The following LRP5 variants were observed in gnomAD, a reference collection of about 807,000 sequenced individuals.
LRP5 encodes low-density lipoprotein receptor-related protein 5.
In LRP5, 62 loss-of-function variants were observed where a neutral mutation model predicts 154.1. The ratio of observed to expected loss-of-function variants is 0.40; its 90% CI spans 0.33 to 0.50. The LOEUF (loss-of-function observed/expected upper bound fraction) is 0.50. Among genes scored for constraint, LRP5 ranks in the 20% least tolerant of loss-of-function variants. The pLI, the probability that LRP5 is intolerant of heterozygous loss-of-function variation, is 0.55. For synonymous variants in LRP5, 966 were observed against 1,011.5 expected, an observed-to-expected ratio of 0.96 and a Z score of 0.85; for missense variants, 1,915 against 2,336.7, an observed-to-expected ratio of 0.82 and a Z score of 3.72.
At chr11:68,305,215 G>A in the LRP5 span, among the ~76,000 whole-genome samples, 18 of 152,028 alleles carry the variant, frequency 1.2e-4, no homozygotes, top group South Asian at 4.2e-4. Flanking sequence ...GTGAGTTCTC[G>A]TGAGATCTGC....
intron 7 of LRP5, among the ~76,000 whole-genome samples, chr11:68,396,264 T>C (rs1414575886): frequency 6.6e-6 from 1 of 152,104 alleles, no homozygotes; most frequent in Admixed American, 6.5e-5. Flanking sequence ...TAAGATGCTA[T>C]GTCGGGAGGC....
intron 5 of LRP5, among the ~76,000 whole-genome samples, chr11:68,372,077 C>T (rs931281649): frequency 1.3e-4 from 20 of 152,350 alleles, no homozygotes; most frequent in Non-Finnish European, 2.4e-4. Context: ...GCTGGTGGGA[C>T]TTGTGCCTGT....
chr11:68,319,029 G>T (rs1201207632), intron 1 of LRP5, among the ~76,000 whole-genome samples: 1 of 151,662 alleles, frequency 6.6e-6, no homozygotes, highest in Non-Finnish European at 1.5e-5. Flanking sequence ...CAGAAGAGGC[G>T]CTGCTTCTGT....
chr11:68,416,809 G>C (rs920845615), intron 13 of LRP5, among the ~76,000 whole-genome samples: 2 of 152,252 alleles, frequency 1.3e-5, no homozygotes, highest in Non-Finnish European at 2.9e-5. Context: ...GAAAATGGTC[G>C]TGTGTCATGC....
chr11:68,409,073 A>AAAATATATATATATATATATATAT (rs2098657548), intron 9 of LRP5, among the ~76,000 whole-genome samples: 2 of 44,174 alleles, frequency 4.5e-5, no homozygotes, highest in African/African-American at 2.6e-4. Context: ...AAAAAAAAAA[A>AAAATATATATATATATATATATAT]ATATATATAT....
At chr11:68,364,067 G>T in intron 4 of LRP5, 124 bp downstream of exon 4, 1 of 519,454 alleles carries the variant, frequency 1.9e-6, no homozygotes, top group Non-Finnish European at 3.3e-6. Context: ...TGGGGGGGCA[G>T]GTGACCCCTC....
chr11:68,417,559 C>T (rs1315359048), intron 13 of LRP5, among the ~76,000 whole-genome samples: 2 of 129,930 alleles, frequency 1.5e-5, no homozygotes, highest in African/African-American at 5.7e-5. Flanking sequence ...CTCCTATGTT[C>T]AAGTGATTTT....
At chr11:68,334,268 C>T (rs1027242032) in intron 1 of LRP5, among the ~76,000 whole-genome samples, 2 of 151,864 alleles carry the variant, frequency 1.3e-5, no homozygotes, top group African/African-American at 4.8e-5. Flanking sequence ...AGCAGCATGT[C>T]GAGGGTGGTG....
At chr11:68,379,274 G>T (rs146569157) in intron 5 of LRP5, among the ~76,000 whole-genome samples, 105 of 152,234 alleles carry the variant, frequency 6.9e-4, no homozygotes, top group African/African-American at 2.4e-3. Context: ...AAAAATATTT[G>T]AGGACATTTG....
At chr11:68,339,354 T>G (rs1323068739) in intron 1 of LRP5, among the ~76,000 whole-genome samples, 1 of 151,880 alleles carries the variant, frequency 6.6e-6, no homozygotes, top group Non-Finnish European at 1.5e-5. Context: ...GCTAATTTTT[T>G]CTTTTTTTTC....
At position 68,413,875 on chromosome 11, in the gene LRP5, C is replaced by T. The variant is rs1208714055; in HGVS notation, c.2690C>T (p.Ser897Phe). ...DFVMDILVFH[S>F]SRQDGLNDCM... Reference sequence around the variant, plus strand: ...GTGATGGACATCCTGGTGTTCCACTCCTCCCGCCAGGATGGCCTCAATGAC... The same window carrying T: ...GTGATGGACATCCTGGTGTTCCACTTCTCCCGCCAGGATGGCCTCAATGAC... Residue 897 changes from serine (S) to phenylalanine (F), a missense_variant, in exon 12 of 23, where the codon TCC (serine) becomes TTC (phenylalanine). Transcript: ENST00000294304. The surrounding 1 kb of genome is among the most constrained non-coding windows in gnomAD (Gnocchi z 5.1). The T allele has an allele frequency of 2.5e-6, 4 of 1,613,366 alleles. No homozygotes were observed. The highest frequency in any genetic ancestry group is 2.2e-5 in the South Asian group (2 of 91,090).
intron 13 of LRP5, among the ~76,000 whole-genome samples, chr11:68,420,788 T>G (rs985429127): frequency 7.2e-5 from 11 of 152,126 alleles, no homozygotes; most frequent in Non-Finnish European, 1.3e-4. Context: ...TCTTCCACCT[T>G]TGGTTGTCGT....
chr11:68,376,787 G>T (rs1413788219), intron 5 of LRP5, among the ~76,000 whole-genome samples: 2 of 152,222 alleles, frequency 1.3e-5, no homozygotes, highest in Non-Finnish European at 2.9e-5. Flanking sequence ...AAAGAATTAG[G>T]CCGCCTGCCT....
intron 21 of LRP5, among the ~76,000 whole-genome samples, chr11:68,441,747 T>C (rs982608348): frequency 2.0e-5 from 3 of 152,210 alleles, no homozygotes; most frequent in African/African-American, 7.2e-5. Flanking sequence ...TAAATCACTT[T>C]ATTGTTTAAC....
chr11:68,335,994 T>C (rs972925643), intron 1 of LRP5, among the ~76,000 whole-genome samples: 1 of 152,182 alleles, frequency 6.6e-6, no homozygotes, highest in African/African-American at 2.4e-5. Context: ...CGAGCTCAAG[T>C]ACGGAATCTG....
At chr11:68,316,611 G>A (rs1346850437) in intron 1 of LRP5, among the ~76,000 whole-genome samples, 1 of 152,210 alleles carries the variant, frequency 6.6e-6, no homozygotes, top group Non-Finnish European at 1.5e-5. Context: ...ATTCCATTGT[G>A]TGGAGGGACC....
rs1301484772 is a variant in LRP5 at position 68,403,632 on chromosome 11, G to C, written c.1734G>C (p.Arg578=). 6.2e-7 allele frequency: 1 copy of C among 1,614,196 alleles called. No homozygotes were observed. Among genetic ancestry groups the C allele is most frequent in the South Asian group, 1.1e-5 (1 of 91,086 alleles). The change falls in exon 8 of 23, where the codon CGG becomes CGC. Residue 578 remains arginine, a synonymous_variant. Transcript: ENST00000294304. Reference sequence around the variant, plus strand: ...GGGTGCACAAGGTCAAGGCCAGCCGGGACGTCATCATTGACCAGCTGCCCG... The same window carrying C: ...GGGTGCACAAGGTCAAGGCCAGCCGCGACGTCATCATTGACCAGCTGCCCG... ...IERVHKVKAS[R]DVIIDQLPDL...
In LRP5 at chr11:68,344,917, C is replaced by T. The variant is rs1005074044; in HGVS notation, c.92-2930C>T. 2.7e-5 allele frequency among the ~76,000 whole-genome samples: 3 copies of T among 113,156 alleles called. No homozygotes were observed. In the Admixed American group the frequency reaches 4.2e-4, roughly 16 times the overall value. 74.2% of individuals were successfully genotyped at this position (113,156 alleles called of 152,430 possible). On this transcript the variant is annotated intron_variant, in intron 1 of 22. Coordinates refer to ENST00000294304, the MANE Select transcript of LRP5 (RefSeq NM_002335.4). ...TCGCTCTGTCATCTAGACTGGAGTT[C>T]AGTGGCACGATCTCGGTTCACTGCA...
In LRP5 at chr11:68,423,620, G is replaced by C; in HGVS notation, c.3159G>C (p.Leu1053=). The change falls in exon 14 of 23, where the codon CTG becomes CTC. Residue 1053 remains leucine, a synonymous_variant. Coordinates refer to ENST00000294304, the MANE Select transcript of LRP5 (RefSeq NM_002335.4). The surrounding 1 kb of genome is among the most constrained non-coding windows in gnomAD (Gnocchi z 4.7). ...CCAATACCATCAACGTCCACAGGCT[G>C]AGCGGGGAAGCCATGGGGGTGGTGC... The part of the protein sequence containing the change: ...EATNTINVHR[L]SGEAMGVVLR... 6.2e-7 allele frequency: 1 copy of C among 1,614,208 alleles called. No homozygotes were observed.
Sources: allele counts gnomAD v4.1 joint callset (sites outside exome capture counted in the v4.1 genomes callset), GRCh38; gene constraint gnomAD v4.1.1; non-coding constraint Gnocchi (gnomAD v3.1); transcripts MANE v1.5; gene names NCBI Gene and HGNC (gene_info 2026-07-23, HGNC 2026-07-21).